LRRC4C: variants seen among roughly 807,000 people sequenced by gnomAD.
LRRC4C encodes leucine rich repeat containing 4C.
LRRC4C carries 5 observed loss-of-function variants against 33.6 expected under a neutral mutation model. The ratio of observed to expected loss-of-function variants is 0.15; its 90% CI spans 0.08 to 0.31. The LOEUF (loss-of-function observed/expected upper bound fraction) is 0.31. Ranked by LOEUF, LRRC4C falls within the 10% of genes least tolerant of loss-of-function variation. The probability of loss-of-function intolerance (pLI) is 1.00; values close to 1 mark genes in which losing one functional copy is unlikely to be tolerated. For synonymous variants in LRRC4C, 329 were observed against 302.0 expected (o/e 1.09, Z -0.93); for missense variants, 560 against 796.7 (o/e 0.70, Z 3.58).
chr11:41,136,464 A>C (rs765712761), intron 1 of LRRC4C, among the ~76,000 whole-genome samples: 1 of 152,182 alleles, frequency 6.6e-6, no homozygotes, highest in Non-Finnish European at 1.5e-5. Flanking sequence ...TTTCCAGGAC[A>C]CATTAAATCA....
chr11:41,168,843 G>A (rs1322400451), intron 1 of LRRC4C, among the ~76,000 whole-genome samples: 8 of 152,114 alleles, frequency 5.3e-5, no homozygotes, highest in South Asian at 2.1e-4. Flanking sequence ...TGGTCATCAC[G>A]GAAGTTCAAT....
At chr11:41,447,653 G>T (rs1393845334) in intron 1 of LRRC4C, among the ~76,000 whole-genome samples, 1 of 152,144 alleles carries the variant, frequency 6.6e-6, no homozygotes, top group Non-Finnish European at 1.5e-5. Flanking sequence ...CCATTAATGT[G>T]CTTACAATGG....
intron 1 of LRRC4C, among the ~76,000 whole-genome samples, chr11:41,069,664 A>C (rs1357144203): frequency 6.6e-6 from 1 of 152,180 alleles, no homozygotes; most frequent in African/African-American, 2.4e-5. Flanking sequence ...ACCCCCATTC[A>C]CAATTGCTAC....
chr11:41,168,530 A>G (rs1021411797), intron 1 of LRRC4C, among the ~76,000 whole-genome samples: 1 of 152,158 alleles, frequency 6.6e-6, no homozygotes, highest in Non-Finnish European at 1.5e-5. Flanking sequence ...CTTAATGATA[A>G]CTAAAACTTG....
At chr11:40,425,405 A>G (rs937206797) in intron 3 of LRRC4C, among the ~76,000 whole-genome samples, 4 of 152,178 alleles carry the variant, frequency 2.6e-5, no homozygotes, top group Non-Finnish European at 5.9e-5. Context: ...ATTTTTGATG[A>G]CTGGAGGAAA....
intron 1 of LRRC4C, among the ~76,000 whole-genome samples, chr11:41,188,985 C>A (rs116447190): frequency 5.8e-4 from 86 of 149,448 alleles, no homozygotes; most frequent in African/African-American, 2.1e-3. Context: ...AATTATAACC[C>A]ACGATCAAGC....
At chr11:40,737,025 G>C (rs1272967877) in intron 2 of LRRC4C, among the ~76,000 whole-genome samples, 2 of 151,890 alleles carry the variant, frequency 1.3e-5, no homozygotes, top group Non-Finnish European at 2.9e-5. Flanking sequence ...GTCAATTTTG[G>C]CTTTGGTTGC....
At chr11:41,099,519 G>A (rs912597885) in intron 1 of LRRC4C, among the ~76,000 whole-genome samples, 2 of 152,134 alleles carry the variant, frequency 1.3e-5, no homozygotes, top group African/African-American at 4.8e-5. Flanking sequence ...TTATCTCTGG[G>A]ATGAAAGGTT....
chr11:41,326,544 C>T (rs552085527), intron 1 of LRRC4C, among the ~76,000 whole-genome samples: 67 of 152,036 alleles, frequency 4.4e-4, no homozygotes, highest in Non-Finnish European at 8.4e-4. Context: ...TCACATGTGG[C>T]CCCAAAATGA....
intron 2 of LRRC4C, among the ~76,000 whole-genome samples, chr11:40,674,277 G>A (rs1944279348): frequency 6.6e-6 from 1 of 152,198 alleles, no homozygotes; most frequent in Non-Finnish European, 1.5e-5. Context: ...AAAGAGCACT[G>A]GGGTTGGCAT....
intron 1 of LRRC4C, among the ~76,000 whole-genome samples, chr11:41,377,299 C>T (rs2137846582): frequency 6.6e-6 from 1 of 152,208 alleles, no homozygotes; most frequent in South Asian, 2.1e-4. Flanking sequence ...ATACAAAGTT[C>T]CTCTCCCCAT....
At chr11:40,432,857 T>A (rs1950989023) in intron 3 of LRRC4C, among the ~76,000 whole-genome samples, 1 of 152,202 alleles carries the variant, frequency 6.6e-6, no homozygotes, top group South Asian at 2.1e-4. Context: ...AGAGAGTTAT[T>A]ATTTTCCCAA....
chr11:40,536,915 C>G (rs1956498500), intron 3 of LRRC4C, among the ~76,000 whole-genome samples: 1 of 152,160 alleles, frequency 6.6e-6, no homozygotes, highest in Non-Finnish European at 1.5e-5. Flanking sequence ...GGTTCATTGT[C>G]AACTACCCTT....
At chr11:41,135,523 C>T (rs1943218304) in intron 1 of LRRC4C, among the ~76,000 whole-genome samples, 1 of 151,992 alleles carries the variant, frequency 6.6e-6, no homozygotes, top group South Asian at 2.1e-4. Flanking sequence ...CTTGGACTTT[C>T]TAGGAAGTTA....
At chr11:40,341,087 G>T (rs1021816091) in intron 3 of LRRC4C, among the ~76,000 whole-genome samples, 18 of 152,138 alleles carry the variant, frequency 1.2e-4, no homozygotes, top group African/African-American at 3.4e-4. Flanking sequence ...GTTGAAAGGA[G>T]CCTCAACAGT....
chr11:40,484,067 C>T, intron 3 of LRRC4C, among the ~76,000 whole-genome samples: 1 of 151,864 alleles, frequency 6.6e-6, no homozygotes, highest in Admixed American at 6.6e-5. Flanking sequence ...GGCAATATGC[C>T]CAGCTGGAAA....
intron 4 of LRRC4C, among the ~76,000 whole-genome samples, chr11:40,310,308 G>A (rs1439977955): frequency 6.6e-6 from 1 of 152,062 alleles, no homozygotes; most frequent in Non-Finnish European, 1.5e-5. Flanking sequence ...AATTCCTTAG[G>A]AATTCATAGG....
intron 3 of LRRC4C, among the ~76,000 whole-genome samples, chr11:40,557,828 T>C (rs1409687721): frequency 6.6e-6 from 1 of 152,184 alleles, no homozygotes; most frequent in Non-Finnish European, 1.5e-5. Flanking sequence ...ATGCTGCTAT[T>C]CTACTGCCAC....
At chr11:40,288,122 A>G (rs1025801687) in intron 4 of LRRC4C, among the ~76,000 whole-genome samples, 1 of 152,182 alleles carries the variant, frequency 6.6e-6, no homozygotes, top group Admixed American at 6.6e-5. Context: ...CCTCTATTTT[A>G]CAGATAAGCA....
Sources: gnomAD v4.1 joint callset for allele counts (sites outside exome capture counted in the v4.1 genomes callset) on GRCh38, gnomAD v4.1.1 for gene constraint, MANE v1.5 for transcripts, NCBI Gene and HGNC (gene_info 2026-07-23, HGNC 2026-07-21) for gene names.